HS6ST3: variants seen among roughly 807,000 people sequenced by gnomAD.
HS6ST3 encodes heparan sulfate 6-O-sulfotransferase 3, also known as heparan-sulfate 6-O-sulfotransferase 3.
In HS6ST3, 12 loss-of-function variants were observed where a neutral mutation model predicts 36.7. The ratio of observed to expected loss-of-function variants is 0.33; its 90% CI spans 0.21 to 0.53. The LOEUF is 0.53. Ranked by LOEUF, HS6ST3 falls within the 20% of genes least tolerant of loss-of-function variation. The pLI is 0.95. For synonymous variants in HS6ST3, 240 were observed against 257.5 expected, an observed-to-expected ratio of 0.93 and a Z score of 0.65; for missense variants, 584 against 640.9, an observed-to-expected ratio of 0.91 and a Z score of 0.96.
At chr13:96,664,857 T>C (rs1158915341) in intron 1 of HS6ST3, among the ~76,000 whole-genome samples, 1 of 152,158 alleles carries the variant, frequency 6.6e-6, no homozygotes, top group African/African-American at 2.4e-5. Flanking sequence ...TTCTTTTTCT[T>C]CTTTAGCATT....
intron 1 of HS6ST3, among the ~76,000 whole-genome samples, chr13:96,563,998 G>A (rs953799324): frequency 2.0e-5 from 3 of 152,056 alleles, no homozygotes; most frequent in African/African-American, 7.2e-5. Context: ...GCCCCTTCAG[G>A]TATAAATGAT....
intron 1 of HS6ST3, among the ~76,000 whole-genome samples, chr13:96,697,660 G>T (rs1594838937): frequency 6.6e-6 from 1 of 152,128 alleles, no homozygotes; most frequent in African/African-American, 2.4e-5. Flanking sequence ...CTTTGAAGGA[G>T]GTCATAATCA....
chr13:96,503,621 A>G lies in HS6ST3; in HGVS notation c.708-328869A>G, dbSNP rs139745337. 4.9e-3 allele frequency among the ~76,000 whole-genome samples: 747 copies of G among 152,236 alleles called. 7 individuals carry two copies. Among genetic ancestry groups the G allele is most frequent in the African/African-American group, 0.013 (528 of 41,548 alleles). ...GGGGTTCTTATGGGGGAGAATGAGC[A>G]TGTTGTCTTCCAGAACATCAAAGAA... On this transcript the variant is annotated intron_variant, in intron 1 of 1. Transcript: ENST00000376705.
At chr13:96,768,956 A>G (rs1877189599) in intron 1 of HS6ST3, among the ~76,000 whole-genome samples, 1 of 152,088 alleles carries the variant, frequency 6.6e-6, no homozygotes, top group African/African-American at 2.4e-5. Context: ...ACAACAGGAA[A>G]GACCCGATCA....
At chr13:96,470,386 A>C (rs73556365) in intron 1 of HS6ST3, among the ~76,000 whole-genome samples, 2,212 of 152,250 alleles carry the variant, frequency 0.015, 67 homozygotes, top group African/African-American at 0.051. Flanking sequence ...GTTTAGTTTA[A>C]ATTTGCATAT....
chr13:96,362,893 A>C (rs2055245166), intron 1 of HS6ST3, among the ~76,000 whole-genome samples: 1 of 152,204 alleles, frequency 6.6e-6, no homozygotes. Context: ...GCCAGTCCTA[A>C]AAGATTGCAT....
chr13:96,239,227 A>G (rs1196392385), intron 1 of HS6ST3, among the ~76,000 whole-genome samples: 1 of 152,232 alleles, frequency 6.6e-6, no homozygotes, highest in Non-Finnish European at 1.5e-5. Context: ...GGTCATTAAT[A>G]TCTATATACG....
intron 1 of HS6ST3, among the ~76,000 whole-genome samples, chr13:96,603,950 G>A (rs2056430108): frequency 6.6e-6 from 1 of 152,130 alleles, no homozygotes; most frequent in African/African-American, 2.4e-5. Flanking sequence ...ACAGAATACT[G>A]GGGATATAGG....
At chr13:96,296,678 T>C (rs905145865) in intron 1 of HS6ST3, among the ~76,000 whole-genome samples, 4 of 152,186 alleles carry the variant, frequency 2.6e-5, no homozygotes, top group Non-Finnish European at 4.4e-5. Flanking sequence ...TATGTTACCC[T>C]GATATTCATT....
chr13:96,477,194 T>G (rs1424507902), intron 1 of HS6ST3, among the ~76,000 whole-genome samples: 1 of 152,172 alleles, frequency 6.6e-6, no homozygotes, highest in African/African-American at 2.4e-5. Context: ...TTGGAGTTCC[T>G]GATCAGAATT....
At chr13:96,352,457 T>C (rs1216009871) in intron 1 of HS6ST3, among the ~76,000 whole-genome samples, 1 of 152,220 alleles carries the variant, frequency 6.6e-6, no homozygotes, top group African/African-American at 2.4e-5. Flanking sequence ...CAAGTGTCTT[T>C]ACAGCATGGC....
chr13:96,541,812 C>T (rs2138942475), intron 1 of HS6ST3, among the ~76,000 whole-genome samples: 1 of 152,252 alleles, frequency 6.6e-6, no homozygotes, highest in African/African-American at 2.4e-5. Flanking sequence ...ATAACATTAT[C>T]TTCATCATTC....
intron 1 of HS6ST3, among the ~76,000 whole-genome samples, chr13:96,703,601 TC>T (rs545600915): frequency 5.7e-4 from 87 of 152,304 alleles, no homozygotes; most frequent in African/African-American, 2.0e-3. Flanking sequence ...CTACAATTGC[TC>T]CATTATGTTC....
At chr13:96,592,156 T>A (rs2056384603) in intron 1 of HS6ST3, among the ~76,000 whole-genome samples, 1 of 152,168 alleles carries the variant, frequency 6.6e-6, no homozygotes, top group African/African-American at 2.4e-5. Flanking sequence ...GGCCTATAGT[T>A]TTCTTTCTTT....
chr13:96,784,736 C>G (rs1594859448), intron 1 of HS6ST3, among the ~76,000 whole-genome samples: 1 of 152,172 alleles, frequency 6.6e-6, no homozygotes, highest in African/African-American at 2.4e-5. Context: ...ACTTGACTCT[C>G]TAATTCTTTT....
intron 1 of HS6ST3, among the ~76,000 whole-genome samples, chr13:96,652,361 T>C (rs939607977): frequency 6.6e-6 from 1 of 152,010 alleles, no homozygotes. Context: ...ATTTTTCTTT[T>C]CCTTTCTTCC....
intron 1 of HS6ST3, among the ~76,000 whole-genome samples, chr13:96,130,450 G>T (rs1342116017): frequency 1.3e-5 from 2 of 152,172 alleles, no homozygotes; most frequent in Non-Finnish European, 2.9e-5. Context: ...TCATTAAAAT[G>T]AGTAATATTG....
At chr13:96,767,867 C>G (rs185461215) in intron 1 of HS6ST3, among the ~76,000 whole-genome samples, 1 of 152,176 alleles carries the variant, frequency 6.6e-6, no homozygotes, top group African/African-American at 2.4e-5. Context: ...GGTGTCGAGA[C>G]AACTCTGTCA....
At chr13:96,396,968 C>T (rs931680538) in intron 1 of HS6ST3, among the ~76,000 whole-genome samples, 2 of 152,012 alleles carry the variant, frequency 1.3e-5, no homozygotes, top group Non-Finnish European at 2.9e-5. Flanking sequence ...TTTGGGAGGC[C>T]GAGGTGGGCA....
Sources: gnomAD v4.1 joint callset for allele counts (sites outside exome capture counted in the v4.1 genomes callset) on GRCh38, gnomAD v4.1.1 for gene constraint, MANE v1.5 for transcripts, NCBI Gene and HGNC (gene_info 2026-07-23, HGNC 2026-07-21) for gene names.